Variants in MGMT observed in about 807,000 individuals in gnomAD.
MGMT encodes the protein O-6-methylguanine-DNA methyltransferase.
MGMT carries 14 observed loss-of-function variants against 15.9 expected under a neutral mutation model. The observed-to-expected ratio is 0.88, with a 90% CI of 0.58 to 1.37. The LOEUF (loss-of-function observed/expected upper bound fraction) is 1.37. MGMT is among the 40% of genes most tolerant of loss of function. The pLI is 0.00. For synonymous variants in MGMT, 130 were observed against 118.2 expected (o/e 1.10, Z -0.65); for missense variants, 282 against 268.1 (o/e 1.05, Z -0.36).
At chr10:129,548,795 A>G (rs1846124794) in intron 2 of MGMT, among the ~76,000 whole-genome samples, 1 of 152,142 alleles carries the variant, frequency 6.6e-6, no homozygotes, top group African/African-American at 2.4e-5. Flanking sequence ...TGCAAGGACC[A>G]TCAGGGCAAA....
intron 2 of MGMT, among the ~76,000 whole-genome samples, chr10:129,565,865 C>T (rs186555657): frequency 3.3e-4 from 51 of 152,266 alleles, no homozygotes; most frequent in African/African-American, 1.1e-3. Flanking sequence ...CAGAAGACCC[C>T]TGAGTTTCCA....
chr10:129,714,193 G>GCCAGC (rs1201568408), intron 3 of MGMT, among the ~76,000 whole-genome samples: 21 of 152,350 alleles, frequency 1.4e-4, no homozygotes, highest in Middle Eastern at 6.8e-3. Context: ...GCCTGGCCAG[G>GCCAGC]CCAGCCCAGT....
intron 1 of MGMT, among the ~76,000 whole-genome samples, chr10:129,472,506 G>GAGCCCTCGTTTTCCCCC (rs1564827809): frequency 1.3e-5 from 2 of 152,116 alleles, no homozygotes; most frequent in African/African-American, 4.8e-5. Context: ...TCTGTATTTT[G>GAGCCCTCGTTTTCCCCC]CAGATCTGCA....
In MGMT at chr10:129,533,435, C is replaced by T. The variant is rs904778053; in HGVS notation, c.-12-2806C>T. Among the ~76,000 whole-genome samples, 5 of 152,070 alleles carry T rather than the reference C, an allele frequency of 3.3e-5. No individual in the cohort carries two copies. The highest frequency in any genetic ancestry group is 5.9e-5 in the Non-Finnish European group (4 of 68,008). ...GACTCCGACAGCCTGCAGCCCTGCC[C>T]GAACTGGGATGATAGAGCAGCAAAC... On this transcript the variant is annotated intron_variant, in intron 1 of 4. Coordinates refer to ENST00000651593, the MANE Select transcript of MGMT (RefSeq NM_002412.5). The surrounding 1 kb of genome is among the most constrained non-coding windows in gnomAD (Gnocchi z 4.5).
chr10:129,613,139 C>G (rs1846981607), intron 2 of MGMT, among the ~76,000 whole-genome samples: 1 of 152,108 alleles, frequency 6.6e-6, no homozygotes, highest in Non-Finnish European at 1.5e-5. Flanking sequence ...TTAGCCAGGG[C>G]CTAAAGGGTC....
Position 129,556,712 on chromosome 10 carries a change from A to G in MGMT, c.125+20335A>G, listed in dbSNP as rs981479552. On this transcript the variant is annotated intron_variant, in intron 2 of 4. Coordinates refer to ENST00000651593, the MANE Select transcript of MGMT (RefSeq NM_002412.5). The surrounding 1 kb of genome is among the most constrained non-coding windows in gnomAD (Gnocchi z 4.3). ...GTTCTAGGCAAATGATGAAAATGGT[A>G]TTTTACACATATTTGAAAAGAAAGG... Among the ~76,000 whole-genome samples the G allele has an allele frequency of 2.6e-5, 4 of 152,190 alleles. No individual in the cohort carries two copies. Among genetic ancestry groups the G allele is most frequent in the African/African-American group, 9.7e-5 (4 of 41,446 alleles).
chr10:129,551,245 C>A (rs552681074), intron 2 of MGMT, among the ~76,000 whole-genome samples: 1 of 152,320 alleles, frequency 6.6e-6, no homozygotes, highest in African/African-American at 2.4e-5. Flanking sequence ...AAGAAAGGCA[C>A]TGTTTTTACA....
At chr10:129,495,643 C>T (rs962610704) in intron 1 of MGMT, among the ~76,000 whole-genome samples, 1 of 152,204 alleles carries the variant, frequency 6.6e-6, no homozygotes, top group Non-Finnish European at 1.5e-5. Context: ...CAATCATAAC[C>T]TTACACGATA....
At position 129,532,748 on chromosome 10, in the gene MGMT, G is replaced by A. The variant is rs779736123; in HGVS notation, c.-12-3493G>A. Among the ~76,000 whole-genome samples the A allele has an allele frequency of 6.6e-6, 1 of 151,920 alleles. No homozygotes were observed. The highest frequency in any genetic ancestry group is 1.5e-5 in the Non-Finnish European group (1 of 67,956). The stretch of plus-strand genomic sequence containing the variant: ...GTGTGTAGTGCCCAAAGCCCTGGCC[G>A]TGGCCATCTCAGGTTAGACCCTCAG... On this transcript the variant is annotated intron_variant, in intron 1 of 4. Transcript: ENST00000651593. The surrounding 1 kb of genome is among the most constrained non-coding windows in gnomAD (Gnocchi z 5.3).
intron 3 of MGMT, among the ~76,000 whole-genome samples, chr10:129,711,480 G>A (rs569959220): frequency 1.2e-3 from 189 of 152,326 alleles, no homozygotes; most frequent in African/African-American, 3.9e-3. Flanking sequence ...TTTCCCAGTG[G>A]GAGGGCGCTG....
intron 1 of MGMT, among the ~76,000 whole-genome samples, chr10:129,520,837 G>A (rs1354391474): frequency 6.6e-6 from 1 of 150,634 alleles, no homozygotes; most frequent in Non-Finnish European, 1.5e-5. Context: ...AACCCCTATG[G>A]TGCATGTACA....
chr10:129,502,939 G>A (rs1045150955), intron 1 of MGMT, among the ~76,000 whole-genome samples: 5 of 152,110 alleles, frequency 3.3e-5, no homozygotes, highest in East Asian at 1.9e-4. Context: ...TTCTTTTTAC[G>A]GCTCTACCCC....
intron 3 of MGMT, among the ~76,000 whole-genome samples, chr10:129,721,941 A>T (rs1339803219): frequency 6.6e-6 from 1 of 152,208 alleles, no homozygotes; most frequent in East Asian, 1.9e-4. Context: ...CATTAAATGT[A>T]AATGTTTTAA....
At chr10:129,526,430 C>A (rs542461033) in intron 1 of MGMT, among the ~76,000 whole-genome samples, 1 of 152,086 alleles carries the variant, frequency 6.6e-6, no homozygotes, top group Non-Finnish European at 1.5e-5. Context: ...CCAATCTCCC[C>A]CTTCACACAG....
At chr10:129,718,964 C>A (rs1848334317) in intron 3 of MGMT, among the ~76,000 whole-genome samples, 1 of 151,680 alleles carries the variant, frequency 6.6e-6, no homozygotes, top group Admixed American at 6.6e-5. Context: ...TGTCCCCTTT[C>A]TGAGATGTCT....
chr10:129,731,719 T>A (rs1848500041), intron 3 of MGMT, among the ~76,000 whole-genome samples: 1 of 152,194 alleles, frequency 6.6e-6, no homozygotes, highest in South Asian at 2.1e-4. Context: ...TGTATTAACT[T>A]ATTTAAAAAT....
chr10:129,496,833 T>C (rs960690282), intron 1 of MGMT, among the ~76,000 whole-genome samples: 1 of 152,200 alleles, frequency 6.6e-6, no homozygotes, highest in Non-Finnish European at 1.5e-5. Context: ...TATATATTTA[T>C]TTTTGTTTTG....
At chr10:129,651,902 TAACTC>T (rs1316704413) in intron 2 of MGMT, among the ~76,000 whole-genome samples, 3 of 152,218 alleles carry the variant, frequency 2.0e-5, no homozygotes, top group African/African-American at 7.2e-5. Context: ...TTTCCATTAA[TAACTC>T]AACCTAAAAA....
At chr10:129,571,175 T>C (rs1250000772) in intron 2 of MGMT, among the ~76,000 whole-genome samples, 1 of 152,096 alleles carries the variant, frequency 6.6e-6, no homozygotes, top group Non-Finnish European at 1.5e-5. Context: ...AAATGAAGGA[T>C]CCTAATATTG....
Sources: allele counts gnomAD v4.1 joint callset (sites outside exome capture counted in the v4.1 genomes callset), GRCh38; gene constraint gnomAD v4.1.1; non-coding constraint Gnocchi (gnomAD v3.1); transcripts MANE v1.5; gene names NCBI Gene and HGNC (gene_info 2026-07-23, HGNC 2026-07-21).